The following UBR3 variants were observed in gnomAD, a reference collection of about 807,000 sequenced individuals.
UBR3 encodes the protein E3 ubiquitin-protein ligase UBR3.
Under a neutral mutation model 243.2 loss-of-function variants are expected in UBR3, and 85 were observed. The observed-to-expected ratio is 0.35, with a 90% CI of 0.29 to 0.42. UBR3 has a LOEUF of 0.42. Among genes scored for constraint, UBR3 ranks in the 10% least tolerant of loss-of-function variants. The pLI is 1.00. For synonymous variants in UBR3, 748 were observed against 799.8 expected, an observed-to-expected ratio of 0.94 and a Z score of 1.09; for missense variants, 1,686 against 2,300.8, an observed-to-expected ratio of 0.73 and a Z score of 5.47.
At chr2:169,838,384 CATTTGTGTGTGTGTGT>C (rs1428985948) in intron 1 of UBR3, among the ~76,000 whole-genome samples, 43 of 133,520 alleles carry the variant, frequency 3.2e-4, no homozygotes, top group African/African-American at 8.4e-4. Context: ...AAGATTAAGG[CATTTGTGTGTGTGTGT>C]GTGTGTGTGT....
chr2:169,920,175 A>G (rs1240657261), intron 11 of UBR3, among the ~76,000 whole-genome samples: 1 of 152,172 alleles, frequency 6.6e-6, no homozygotes, highest in Non-Finnish European at 1.5e-5. Context: ...AGGGACATGG[A>G]TGAAGCTAGA....
At chr2:169,943,322 G>T (rs966620071) in intron 20 of UBR3, among the ~76,000 whole-genome samples, 1 of 152,180 alleles carries the variant, frequency 6.6e-6, no homozygotes, top group Non-Finnish European at 1.5e-5. Context: ...ATGAAAGAAG[G>T]CTGGGCGCGG....
intron 32 of UBR3, among the ~76,000 whole-genome samples, chr2:170,050,159 C>T (rs2091184436): frequency 2.0e-5 from 3 of 152,020 alleles, no homozygotes. Flanking sequence ...CTTTTTAAAC[C>T]GTTTGGATTC....
At chr2:169,969,709 C>T (rs12991201) in intron 24 of UBR3, among the ~76,000 whole-genome samples, 64,521 of 151,538 alleles carry the variant, frequency 0.43, 15,273 homozygotes, top group Non-Finnish European at 0.54. Context: ...CCACCATGCC[C>T]GGCTAATTTT....
chr2:169,892,478 G>GT (rs1559066556), intron 6 of UBR3, among the ~76,000 whole-genome samples: 2 of 152,100 alleles, frequency 1.3e-5, no homozygotes, highest in South Asian at 2.1e-4. Flanking sequence ...AAGTTAAAGT[G>GT]TTTTTTTCTT....
chr2:169,839,739 CAAG>C (rs1285393228), intron 1 of UBR3, among the ~76,000 whole-genome samples: 1 of 152,010 alleles, frequency 6.6e-6, no homozygotes, highest in African/African-American at 2.4e-5. Flanking sequence ...GAGGAACAGG[CAAG>C]AAGAGAGGAG....
chr2:169,886,017 C>T (rs1218765642), intron 5 of UBR3, among the ~76,000 whole-genome samples: 1 of 151,976 alleles, frequency 6.6e-6, no homozygotes. Flanking sequence ...ATTAGCCCAG[C>T]ATGATGGCAC....
chr2:169,844,555 G>A (rs1366138004), intron 1 of UBR3, among the ~76,000 whole-genome samples: 2 of 147,022 alleles, frequency 1.4e-5, no homozygotes, highest in Admixed American at 6.9e-5. Context: ...GTGCAGTGGT[G>A]CAGTCGTGGC....
At chr2:169,930,537 C>T (rs1018712456) in intron 18 of UBR3, among the ~76,000 whole-genome samples, 4 of 152,058 alleles carry the variant, frequency 2.6e-5, no homozygotes, top group Non-Finnish European at 5.9e-5. Flanking sequence ...TAGACACCCA[C>T]CACCATGCTG....
intron 11 of UBR3, among the ~76,000 whole-genome samples, chr2:169,918,072 A>G (rs991019652): frequency 9.9e-5 from 15 of 152,148 alleles, no homozygotes; most frequent in Non-Finnish European, 4.4e-5. Flanking sequence ...GGAAGTGGAG[A>G]TGCAGAGATA....
At chr2:169,978,396 G>A (rs2088565489) in intron 24 of UBR3, among the ~76,000 whole-genome samples, 1 of 152,036 alleles carries the variant, frequency 6.6e-6, no homozygotes, top group Non-Finnish European at 1.5e-5. Context: ...ACAGAGTCAG[G>A]ATCTGTGACT....
At chr2:170,053,459 G>T (rs1401421703) in intron 32 of UBR3, among the ~76,000 whole-genome samples, 2 of 152,200 alleles carry the variant, frequency 1.3e-5, no homozygotes, top group African/African-American at 4.8e-5. Context: ...GACTCTGGAA[G>T]TTTCCTCTGG....
intron 1 of UBR3, among the ~76,000 whole-genome samples, chr2:169,847,124 T>TGC (rs57013279): frequency 1.6e-3 from 52 of 33,532 alleles, no homozygotes; most frequent in African/African-American, 3.8e-3. Flanking sequence ...TGTGTGTGTG[T>TGC]GCGCTGGCAG....
intron 30 of UBR3, among the ~76,000 whole-genome samples, chr2:170,016,370 A>G (rs1294749409): frequency 6.6e-6 from 1 of 151,792 alleles, no homozygotes. Flanking sequence ...AGAACTTAAA[A>G]TTTTGGAGGT....
intron 35 of UBR3, among the ~76,000 whole-genome samples, chr2:170,068,300 C>G (rs2091622275): frequency 6.6e-6 from 1 of 151,984 alleles, no homozygotes; most frequent in Admixed American, 6.5e-5. Context: ...AAAACCCCGT[C>G]TCTACTAAAA....
chr2:169,964,637 A>C, intron 24 of UBR3: 1 of 370,784 alleles, frequency 2.7e-6, no homozygotes, highest in Admixed American at 3.8e-5. Context: ...TCTGGGTGAA[A>C]AAGAATGTGA....
intron 20 of UBR3, among the ~76,000 whole-genome samples, chr2:169,942,945 C>G (rs1256598260): frequency 1.3e-5 from 2 of 152,122 alleles, no homozygotes; most frequent in Non-Finnish European, 2.9e-5. Flanking sequence ...CTACAGGGAC[C>G]AAACAACCAT....
chr2:170,009,764 G>A (rs141844833), intron 29 of UBR3, among the ~76,000 whole-genome samples: 99 of 152,220 alleles, frequency 6.5e-4, no homozygotes, highest in African/African-American at 2.3e-3. Flanking sequence ...GGTCAATACA[G>A]CAAGTCTGTG....
At chr2:170,030,656 T>C (rs889464279) in intron 31 of UBR3, among the ~76,000 whole-genome samples, 1 of 152,140 alleles carries the variant, frequency 6.6e-6, no homozygotes, top group Non-Finnish European at 1.5e-5. Flanking sequence ...GAATATGTAC[T>C]TCTAGGGATG....
Sources: allele counts gnomAD v4.1 joint callset (sites outside exome capture counted in the v4.1 genomes callset), GRCh38; gene constraint gnomAD v4.1.1; transcripts MANE v1.5; gene names NCBI Gene and HGNC (gene_info 2026-07-23, HGNC 2026-07-21).